PLCH1: variants seen among roughly 807,000 people sequenced by gnomAD.
The protein encoded by PLCH1 is 1-phosphatidylinositol 4,5-bisphosphate phosphodiesterase eta-1.
In PLCH1, 60 loss-of-function variants were observed where a neutral mutation model predicts 126.7. The observed-to-expected ratio is 0.47, with a 90% CI of 0.38 to 0.59. The LOEUF (loss-of-function observed/expected upper bound fraction) is 0.59. Among genes scored for constraint, PLCH1 ranks in the 20% least tolerant of loss-of-function variants. PLCH1 has a pLI of 0.00. For missense variants in PLCH1, 1,723 were observed against 2,040.0 expected, an observed-to-expected ratio of 0.84 and a Z score of 2.99; for synonymous variants, 719 against 734.9, an observed-to-expected ratio of 0.98 and a Z score of 0.35.
Position 155,504,576 on chromosome 3 carries a change from C to A in PLCH1, c.1683G>T (p.Met561Ile). Residue 561 changes from methionine (M) to isoleucine (I), a missense_variant, in exon 13 of 23, where the codon ATG (methionine) becomes ATT (isoleucine). Met to Ile is a conservative substitution (Grantham distance 10). Coordinates refer to ENST00000460012, the MANE Select transcript of PLCH1 (RefSeq NM_014996.4). ...ATACCTTATGTTTTCCAAAGTTGGT[C>A]ATGAGGGATCGTCCATGTGATTTCT... Reference protein sequence around the residue: ...SGKKSHGRSLMTNFGKHKKTT... With the variant: ...SGKKSHGRSLITNFGKHKKTT... 6.2e-7 allele frequency: 1 copy of A among 1,605,108 alleles called. No individual in the cohort carries two copies. Among genetic ancestry groups the A allele is most frequent in the South Asian group, 1.1e-5 (1 of 90,860 alleles).
At position 155,488,699 on chromosome 3, in the gene PLCH1, C is replaced by A. The variant is rs747944290; in HGVS notation, c.2500G>T (p.Val834Phe). ...CTGAAGGTCACAGTTCTTTGTCCAACAAAGTCTCGTCCAATGGGATCGTGA... is the reference window on the plus strand; with the variant it reads ...CTGAAGGTCACAGTTCTTTGTCCAAAAAAGTCTCGTCCAATGGGATCGTGA... Reference protein sequence around the residue: ...WDHDPIGRDFVGQRTVTFSSL... With the variant: ...WDHDPIGRDFFGQRTVTFSSL... Residue 834 changes from valine (V) to phenylalanine (F), a missense_variant, in exon 20 of 23, where the codon GTT becomes TTT. Physicochemically the swap from Val to Phe is conservative, Grantham distance 50 (BLOSUM62 -1). This residue lies in a region of PLCH1 where 776 missense variants were observed against 1,062.9 expected (regional missense o/e 0.73). Transcript: ENST00000460012. The A allele has an allele frequency of 6.2e-7, 1 of 1,613,974 alleles. No individual in the cohort carries two copies. The highest frequency in any genetic ancestry group is 1.1e-5 in the South Asian group (1 of 91,042).
intron 2 of PLCH1, among the ~76,000 whole-genome samples, chr3:155,659,813 T>G (rs543483648): frequency 3.9e-5 from 6 of 152,130 alleles, no homozygotes; most frequent in African/African-American, 1.4e-4. Context: ...TTTGTAATTT[T>G]TTTAGAGATG....
intron 8 of PLCH1, among the ~76,000 whole-genome samples, chr3:155,558,643 TC>T (rs1727143741): frequency 6.6e-6 from 1 of 152,236 alleles, no homozygotes; most frequent in Middle Eastern, 3.2e-3. Flanking sequence ...GTATCACCTT[TC>T]CTCTTGTGGT....
In PLCH1 at chr3:155,596,246, C is replaced by T. The variant is rs768803904; in HGVS notation, c.212G>A (p.Ser71Asn). 7 of 1,612,834 alleles carry T rather than the reference C, an allele frequency of 4.3e-6. No homozygotes were observed. Among genetic ancestry groups the T allele is most frequent in the Non-Finnish European group, 3.4e-6 (4 of 1,179,286 alleles). The change falls in exon 3 of 23, where the codon AGT (serine) becomes AAT (asparagine). Residue 71 changes from serine to asparagine, a missense_variant. By Grantham distance (46) the Ser-to-Asn change is conservative. This residue lies in a region of PLCH1 where 776 missense variants were observed against 1,062.9 expected (regional missense o/e 0.73). Transcript: ENST00000460012. Reference protein sequence around the residue: ...TRLRWRPSRKSEKAKILIDSI... With the variant: ...TRLRWRPSRKNEKAKILIDSI... ...ATTTGTTTTACTTTTTGCCTTCTCA[C>T]TCTTCCTAGAGGGTCGCCATCGGAG...
chr3:155,657,254 C>T (rs904591043), intron 2 of PLCH1, among the ~76,000 whole-genome samples: 1 of 152,108 alleles, frequency 6.6e-6, no homozygotes, highest in African/African-American at 2.4e-5. Flanking sequence ...GAGACAGGAA[C>T]CAAATGAAGT....
Position 155,480,718 on chromosome 3 carries a change from A to G in PLCH1, c.*250T>C. The G allele has an allele frequency of 2.3e-6, 1 of 437,322 alleles. No individual in the cohort carries two copies. Among genetic ancestry groups the G allele is most frequent in the South Asian group, 3.7e-5 (1 of 27,300 alleles). 27.1% of individuals were successfully genotyped at this position (437,322 alleles called of 1,614,324 possible). A position where few individuals can be genotyped will look rare whatever the true frequency, so the allele number is the denominator to read the frequency against. On this transcript the variant is annotated 3_prime_UTR_variant, in exon 23 of 23. Transcript: ENST00000460012. ...TGCTGAGGAGTTTCACATCTAGGGC[A>G]TGCACATATTTCATACTGATACAGT... is the stretch of plus-strand genomic sequence containing the variant.
intron 2 of PLCH1, among the ~76,000 whole-genome samples, chr3:155,601,164 A>C (rs1475730518): frequency 1.3e-5 from 2 of 152,130 alleles, no homozygotes; most frequent in Non-Finnish European, 2.9e-5. Flanking sequence ...TTTTTAGTAG[A>C]GACAGGGTTT....
chr3:155,546,324 C>T (rs1725274105), intron 10 of PLCH1, among the ~76,000 whole-genome samples: 1 of 152,188 alleles, frequency 6.6e-6, no homozygotes, highest in African/African-American at 2.4e-5. Context: ...AGGAATCCAA[C>T]TTACAAGGGA....
At chr3:155,538,124 T>A (rs1157603281) in intron 10 of PLCH1, among the ~76,000 whole-genome samples, 1 of 151,986 alleles carries the variant, frequency 6.6e-6, no homozygotes, top group Non-Finnish European at 1.5e-5. Context: ...TACATATAAA[T>A]TAAATAATCT....
chr3:155,594,222 G>T, intron 3 of PLCH1, 38 bp from the exon 4 acceptor site: 1 of 1,579,966 alleles, frequency 6.3e-7, no homozygotes, highest in Non-Finnish European at 8.6e-7. Flanking sequence ...TATACAGCAG[G>T]CAAAGATACT....
intron 2 of PLCH1, among the ~76,000 whole-genome samples, chr3:155,629,435 CT>C (rs1377037515): frequency 2.0e-5 from 3 of 152,216 alleles, no homozygotes; most frequent in African/African-American, 7.2e-5. Flanking sequence ...CGTATAACTG[CT>C]GAAGATGACA....
intron 2 of PLCH1, among the ~76,000 whole-genome samples, chr3:155,650,650 A>G (rs1378220968): frequency 6.6e-6 from 1 of 152,238 alleles, no homozygotes; most frequent in Non-Finnish European, 1.5e-5. Flanking sequence ...TACCTACCTC[A>G]TATTCAATGA....
chr3:155,492,589 A>T, intron 18 of PLCH1, 140 bp downstream of exon 18: 1 of 627,344 alleles, frequency 1.6e-6, no homozygotes, highest in Non-Finnish European at 2.4e-6. Flanking sequence ...TTACCAATAA[A>T]TCAGTTAATG....
intron 2 of PLCH1, among the ~76,000 whole-genome samples, chr3:155,699,934 A>C (rs761769294): frequency 3.3e-5 from 5 of 152,160 alleles, no homozygotes; most frequent in Non-Finnish European, 7.3e-5. Flanking sequence ...AAGAAATCTT[A>C]TCTTCTCTTC....
chr3:155,742,193 G>A lies in PLCH1; in HGVS notation c.-41+2647C>T, dbSNP rs193005119. On this transcript the variant is annotated intron_variant, in intron 1 of 22. Transcript: ENST00000460012. Reference sequence around the variant, plus strand: ...ATTCATCTTGCCTTATATATAATACGTTCTCAATAAACATTTGTTGACTAA... The same window carrying A: ...ATTCATCTTGCCTTATATATAATACATTCTCAATAAACATTTGTTGACTAA... 6 of 152,218 alleles carry A rather than the reference G, an allele frequency of 3.9e-5. No individual in the cohort carries two copies. The East Asian group carries it at 5.8e-4, about 15-fold the overall frequency. The allele number at this position is 152,218 out of a possible 1,614,324, so 9.4% of individuals were successfully genotyped here.
chr3:155,494,547 G>A, intron 15 of PLCH1, 30 bp from the exon 16 acceptor site: 1 of 1,557,086 alleles, frequency 6.4e-7, no homozygotes, highest in Non-Finnish European at 8.8e-7. Context: ...AAAAAAGGAA[G>A]TGAGAACTAC....
chr3:155,627,769 A>ATTT (rs60152083), intron 2 of PLCH1, among the ~76,000 whole-genome samples: 4 of 116,524 alleles, frequency 3.4e-5, no homozygotes, highest in Non-Finnish European at 5.5e-5. Context: ...GTTATCGGAG[A>ATTT]TTTTTTTTTT....
rs1732964292 is a variant in PLCH1 at position 155,596,223 on chromosome 3, T to C, written c.226+9A>G. The C allele has an allele frequency of 6.2e-7, 1 of 1,609,574 alleles. No homozygotes were observed. The highest frequency in any genetic ancestry group is 8.5e-7 in the Non-Finnish European group (1 of 1,176,576). ...CCAGCCAAGCAAAGAATTCAAAGAT[T>C]TGTTTTACTTTTTGCCTTCTCACTC... On this transcript the variant is annotated intron_variant, in intron 3 of 22. Transcript: ENST00000460012.
At chr3:155,496,627 G>A (rs1041175273) in intron 15 of PLCH1, among the ~76,000 whole-genome samples, 2 of 151,942 alleles carry the variant, frequency 1.3e-5, no homozygotes, top group African/African-American at 4.8e-5. Flanking sequence ...TTTACATTTC[G>A]GTTCCACTAA....
Sources: allele counts gnomAD v4.1 joint callset (sites outside exome capture counted in the v4.1 genomes callset), GRCh38; gene constraint gnomAD v4.1.1; regional missense constraint gnomAD v4.1.1; transcripts MANE v1.5; gene names NCBI Gene and HGNC (gene_info 2026-07-23, HGNC 2026-07-21).